The following NKPD1 variants were observed in gnomAD, a reference collection of about 807,000 sequenced individuals.
The protein encoded by NKPD1 is NTPase KAP family P-loop domain-containing protein 1.
A neutral mutation model predicts 42.2 loss-of-function variants in NKPD1; 37 were observed. The ratio of observed to expected loss-of-function variants is 0.88; its 90% confidence interval spans 0.67 to 1.15. NKPD1 has a LOEUF of 1.15. NKPD1 is among the 50% of genes most tolerant of loss of function. The pLI is 0.00. For synonymous variants in NKPD1, 552 were observed against 536.5 expected, an observed-to-expected ratio of 1.03 and a Z score of -0.40; for missense variants, 1,113 against 1,174.6, an observed-to-expected ratio of 0.95 and a Z score of 0.77.
upstream of NKPD1, among the ~76,000 whole-genome samples, chr19:45,161,367 G>C (rs1969002472): frequency 6.6e-6 from 1 of 152,206 alleles, no homozygotes; most frequent in Admixed American, 6.5e-5. Context: ...GGAGGCACTG[G>C]GTGGGAGTCC....
chr19:45,162,153 C>T (rs1001925191), upstream of NKPD1, among the ~76,000 whole-genome samples: 1 of 152,166 alleles, frequency 6.6e-6, no homozygotes, highest in Non-Finnish European at 1.5e-5. Flanking sequence ...GTAAATGAGC[C>T]GTCTCCGCAG....
Position 45,153,249 on chromosome 19 carries a change from C to G in NKPD1, c.1188G>C (p.Val396=), listed in dbSNP as rs1968830709. 7.5e-6 allele frequency: 12 copies of G among 1,603,062 alleles called. No individual in the cohort carries two copies. Among genetic ancestry groups the G allele is most frequent in the Non-Finnish European group, 1.0e-5 (12 of 1,175,788 alleles). ...CGAACAGGTGCTTGCCCACCGAGTACACGGCCATGAGCAGCCCCGAGCCCG... is the reference window on the plus strand; with the variant it reads ...CGAACAGGTGCTTGCCCACCGAGTAGACGGCCATGAGCAGCCCCGAGCCCG... ...TLSGSGLLMA[V]YSVGKHLFVS... Residue 396 remains valine, a synonymous_variant, in exon 5 of 5, where the codon GTG becomes GTC. Transcript: ENST00000686631.
At position 45,149,901 on chromosome 19, in the gene NKPD1, G is replaced by C. The variant is rs1299759844; in HGVS notation, c.*2037C>G. 6.6e-6 allele frequency: 1 copy of C among 152,188 alleles called. No homozygotes were observed. Among genetic ancestry groups the C allele is most frequent in the Non-Finnish European group, 1.5e-5 (1 of 68,048 alleles). 9.4% of individuals were successfully genotyped at this position (152,188 alleles called of 1,614,324 possible). ...AGGATCCCGGATCAAGTGGGCAGAT[G>C]GGGGAAGGGAGTGGAGAAGGGAAAC... On this transcript the variant is annotated 3_prime_UTR_variant, in exon 5 of 5. Coordinates refer to ENST00000686631, the MANE Select transcript of NKPD1 (RefSeq NM_198478.4).
Position 45,160,960 on chromosome 19 carries a change from A to G in NKPD1, c.-107T>C, listed in dbSNP as rs11881409. Among the ~76,000 whole-genome samples the G allele has an allele frequency of 0.18, 27,970 of 151,780 alleles. 3,493 individuals are homozygous for G. The highest frequency in any genetic ancestry group is 0.35 in the African/African-American group (14,475 of 41,350). On this transcript the variant is annotated 5_prime_UTR_variant, in exon 1 of 5. Coordinates refer to ENST00000686631, the MANE Select transcript of NKPD1 (RefSeq NM_198478.4). ...CCTCACGGCCCCAGCTGCCTGCCCC[A>G]CGAGCAGCTGCCACACCAGCCCGGA...
At chr19:45,162,618 G>C (rs1969030313), upstream of NKPD1, among the ~76,000 whole-genome samples, 1 of 152,110 alleles carries the variant, frequency 6.6e-6, no homozygotes, top group Non-Finnish European at 1.5e-5. Flanking sequence ...TGCATCCCCA[G>C]CCCTGGCAGC....
Position 45,153,092 on chromosome 19 carries a change from G to A in NKPD1, c.1345C>T (p.Arg449Trp). The A allele has an allele frequency of 1.9e-6, 3 of 1,575,194 alleles. No individual in the cohort carries two copies. Among genetic ancestry groups the A allele is most frequent in the African/African-American group, 1.4e-5 (1 of 74,042 alleles). ...DFLCFLEIYQ[R>W]RRLRVVLEVT... ...TCCAGCACCACGCGCAGCCTGCGCC[G>A]CTGGTAGATCTCCAGGAAGCACAGG... Residue 449 changes from arginine to tryptophan, a missense_variant, in exon 5 of 5, where the codon CGG becomes TGG. Transcript: ENST00000686631.
intron 3 of NKPD1, among the ~76,000 whole-genome samples, chr19:45,156,592 G>A (rs1968907106): frequency 6.6e-6 from 1 of 152,228 alleles, no homozygotes; most frequent in South Asian, 2.1e-4. Flanking sequence ...GGTCTGGCCA[G>A]CGCCGGGCCC....
At position 45,153,494 on chromosome 19, in the gene NKPD1, C is replaced by G. The variant is rs1021263288; in HGVS notation, c.943G>C (p.Val315Leu). Residue 315 changes from valine to leucine, a missense_variant, in exon 5 of 5, where the codon GTG (valine) becomes CTG (leucine). Val to Leu is a conservative substitution (Grantham distance 32, BLOSUM62 1). Coordinates refer to ENST00000686631, the MANE Select transcript of NKPD1 (RefSeq NM_198478.4). ...GGCTTGTTGCCCAGCACCGAGTACA[C>G]GCTGAAGGGCAGTGCGCCATAGTGG... ...RRHYGALPFS[V>L]YSVLGNKPAT... 1.3e-6 allele frequency: 2 copies of G among 1,556,218 alleles called. No homozygotes were observed. Among genetic ancestry groups the G allele is most frequent in the East Asian group, 2.4e-5 (1 of 42,406 alleles).
chr19:45,159,956 CTT>C, intron 2 of NKPD1, 102 bp downstream of exon 2: 1 of 585,470 alleles, frequency 1.7e-6, no homozygotes, highest in Non-Finnish European at 2.7e-6. Flanking sequence ...GTGCAAGTGG[CTT>C]TTCTCTCCTG....
Position 45,158,687 on chromosome 19 carries a change from C to T in NKPD1, c.505G>A (p.Gly169Ser), listed in dbSNP as rs536462456. Residue 169 changes from glycine (G) to serine (S), a missense_variant, in exon 3 of 5, where the codon GGC becomes AGC. Around this residue, in one of 3 missense-constraint regions of NKPD1, gnomAD observed 204 missense variants for 227.8 expected, o/e 0.90. Coordinates refer to ENST00000686631, the MANE Select transcript of NKPD1 (RefSeq NM_198478.4). This position sits in a 1 kb window ranked among gnomAD's most constrained non-coding sequence, Gnocchi z 4.6. ...CCGGAGCTGTAGGCAGTGAAGGAGC[C>T]ACAGGCCGCTGGGGCGGGCAGGGGC... ...ARPLPAPAAC[G>S]SFTAYSSDIL... 1.0e-5 allele frequency: 12 copies of T among 1,181,694 alleles called. No individual in the cohort carries two copies. In the South Asian group the frequency reaches 1.9e-4, roughly 19 times the overall value. 73.2% of individuals were successfully genotyped at this position (1,181,694 alleles called of 1,614,324 possible). A position where few individuals can be genotyped will look rare whatever the true frequency, so the allele number is the denominator to read the frequency against.
In NKPD1 at chr19:45,152,934, G is replaced by A; in HGVS notation, c.1503C>T (p.Cys501=). The A allele has an allele frequency of 6.3e-7, 1 of 1,581,792 alleles. No homozygotes were observed. Among genetic ancestry groups the A allele is most frequent in the Middle Eastern group, 1.7e-4 (1 of 6,026 alleles). ...CCTTCATGTTGCCCGCGCTCTCTAGGCACGCGGCCAGGATGCTGGGGTCCA... is the reference window on the plus strand; with the variant it reads ...CCTTCATGTTGCCCGCGCTCTCTAGACACGCGGCCAGGATGCTGGGGTCCA... ...LVVDPSILAA[C]LESAGNMKGT... is the part of the protein sequence containing the mutation. The change falls in exon 5 of 5, where the codon TGC becomes TGT. Residue 501 remains cysteine (C), a synonymous_variant. Coordinates refer to ENST00000686631, the MANE Select transcript of NKPD1 (RefSeq NM_198478.4).
Position 45,152,690 on chromosome 19 carries a change from C to T in NKPD1, c.1747G>A (p.Glu583Lys). Reference sequence around the variant, plus strand: ...TCGTCGATGCGGCCCTGCCCGCGCTCCGTCCCCGCCTGCGCCTGCACCGCC... The same window carrying T: ...TCGTCGATGCGGCCCTGCCCGCGCTTCGTCCCCGCCTGCGCCTGCACCGCC... ...LLAVQAQAGT[E>K]RGQGRIDDEA... The change falls in exon 5 of 5, where the codon GAG becomes AAG. Residue 583 changes from glutamate to lysine, a missense_variant. Around this residue, in one of 3 missense-constraint regions of NKPD1, gnomAD observed 867 missense variants for 870.1 expected, o/e 1.00. Coordinates refer to ENST00000686631, the MANE Select transcript of NKPD1 (RefSeq NM_198478.4). The T allele has an allele frequency of 6.5e-7, 1 of 1,538,460 alleles. No individual in the cohort carries two copies. Among genetic ancestry groups the T allele is most frequent in the South Asian group, 1.2e-5 (1 of 84,396 alleles).
In NKPD1 at chr19:45,152,250, G is replaced by A; in HGVS notation, c.2187C>T (p.Phe729=). Residue 729 remains phenylalanine, a synonymous_variant, in exon 5 of 5, where the codon TTC becomes TTT. Coordinates refer to ENST00000686631, the MANE Select transcript of NKPD1 (RefSeq NM_198478.4). ...TCTGCGCCTCGGCCACGGTGAAGGG[G>A]AAGTCGGCGCCCAGGAAGCGCTCGA... ...ELFERFLGAD[F]PFTVAEAQSL... 6.2e-7 allele frequency: 1 copy of A among 1,608,494 alleles called. No homozygotes were observed. The highest frequency in any genetic ancestry group is 8.5e-7 in the Non-Finnish European group (1 of 1,178,168).
rs1968940505 is a variant in NKPD1, at chr19:45,158,297, A to AC, written c.529+365dup. Among the ~76,000 whole-genome samples the AC allele has an allele frequency of 1.3e-5, 2 of 152,170 alleles. No homozygotes were observed. The highest frequency in any genetic ancestry group is 2.9e-5 in the Non-Finnish European group (2 of 68,032). ...TCCCCAACGCCAGAGCCAGCCAACA[A>AC]CCCAGGGCTCACCATCCCTGCCCCA... is the stretch of plus-strand genomic sequence containing the variant. On this transcript the variant is annotated intron_variant, in intron 3 of 4. Transcript: ENST00000686631. This position sits in a 1 kb window ranked among gnomAD's most constrained non-coding sequence, Gnocchi z 4.6.
chr19:45,162,142 T>C (rs1304264868), upstream of NKPD1, among the ~76,000 whole-genome samples: 1 of 151,594 alleles, frequency 6.6e-6, no homozygotes, highest in African/African-American at 2.4e-5. Flanking sequence ...CGTGGCCCAA[T>C]GTAAATGAGC....
chr19:45,151,440 C>T lies in NKPD1; in HGVS notation c.*498G>A, dbSNP rs1411668045. On this transcript the variant is annotated 3_prime_UTR_variant, in exon 5 of 5. Transcript: ENST00000686631. ...AGAGGGGCAAGCTAGGGCATGGGGACAAGGACTGGGATTCCCTGAGGCCTG... is the reference window on the plus strand; with the variant it reads ...AGAGGGGCAAGCTAGGGCATGGGGATAAGGACTGGGATTCCCTGAGGCCTG... 1 of 153,646 alleles carries T rather than the reference C, an allele frequency of 6.5e-6. No individual in the cohort carries two copies. Among genetic ancestry groups the T allele is most frequent in the Non-Finnish European group, 1.4e-5 (1 of 69,122 alleles). The allele number at this position is 153,646 out of a possible 1,614,324, so 9.5% of individuals were successfully genotyped here. A position where few individuals can be genotyped will look rare whatever the true frequency, so the allele number is the denominator to read the frequency against.
upstream of NKPD1, among the ~76,000 whole-genome samples, chr19:45,162,075 G>A (rs979261588): frequency 6.6e-6 from 1 of 152,158 alleles, no homozygotes; most frequent in African/African-American, 2.4e-5. Context: ...ATCTGAGCGT[G>A]GGCATCTGCA....
At chr19:45,157,006 G>A (rs997509366) in intron 3 of NKPD1, among the ~76,000 whole-genome samples, 1 of 152,178 alleles carries the variant, frequency 6.6e-6, no homozygotes, top group Non-Finnish European at 1.5e-5. Flanking sequence ...TAGCCCTGAG[G>A]CTCCGGTGAC....
At chr19:45,155,975 C>T in intron 3 of NKPD1, 59 bp from the exon 4 acceptor site, 1 of 1,274,810 alleles carries the variant, frequency 7.8e-7, no homozygotes, top group South Asian at 1.3e-5. Context: ...CACCCTCCTC[C>T]CATCTGCCCT....
Sources: allele counts gnomAD v4.1 joint callset (sites outside exome capture counted in the v4.1 genomes callset), GRCh38; gene constraint gnomAD v4.1.1; regional missense constraint gnomAD v4.1.1; non-coding constraint Gnocchi (gnomAD v3.1); transcripts MANE v1.5; gene names NCBI Gene and HGNC (gene_info 2026-07-23, HGNC 2026-07-21).